Variants in PTPRD observed in about 807,000 individuals in gnomAD.
PTPRD encodes receptor-type tyrosine-protein phosphatase delta.
A neutral mutation model predicts 214.5 loss-of-function variants in PTPRD; 34 were observed. That is an observed-to-expected ratio of 0.16 (90% CI 0.12 to 0.21). The LOEUF is 0.21. Among genes scored for constraint, PTPRD ranks in the 10% least tolerant of loss-of-function variants. The pLI, the probability that PTPRD is intolerant of heterozygous loss-of-function variation, is 1.00. For synonymous variants in PTPRD, 1,128 were observed against 845.7 expected (o/e 1.33, Z -5.79); for missense variants, 2,545 against 2,398.7 (o/e 1.06, Z -1.27).
chr9:9,909,853 T>A (rs1192601273), intron 5 of PTPRD, among the ~76,000 whole-genome samples: 3 of 151,896 alleles, frequency 2.0e-5, no homozygotes, highest in Non-Finnish European at 2.9e-5. Flanking sequence ...GTTCAATTAT[T>A]TTTTCCCTAA....
chr9:8,641,879 G>A (rs964694145), intron 12 of PTPRD, among the ~76,000 whole-genome samples: 11 of 152,266 alleles, frequency 7.2e-5, no homozygotes, highest in African/African-American at 2.4e-4. Flanking sequence ...CAAGTTGCTA[G>A]GCACTCTGAA....
chr9:9,697,675 T>G (rs1013688710), intron 7 of PTPRD, among the ~76,000 whole-genome samples: 1 of 152,168 alleles, frequency 6.6e-6, no homozygotes, highest in Non-Finnish European at 1.5e-5. Context: ...TTTATCTGGG[T>G]GAAATCTGTT....
intron 5 of PTPRD, among the ~76,000 whole-genome samples, chr9:9,897,129 CTT>C (rs2075196357): frequency 2.3e-5 from 1 of 44,360 alleles, no homozygotes; most frequent in East Asian, 5.2e-4. Flanking sequence ...ATCTCTTACA[CTT>C]ACACACACAC....
chr9:10,542,398 T>C (rs1324908128), intron 2 of PTPRD, among the ~76,000 whole-genome samples: 1 of 152,190 alleles, frequency 6.6e-6, no homozygotes, highest in East Asian at 1.9e-4. Context: ...TTAAATATTT[T>C]ATTTAAATCA....
chr9:8,833,157 T>A (rs928022258), intron 11 of PTPRD, among the ~76,000 whole-genome samples: 1 of 152,026 alleles, frequency 6.6e-6, no homozygotes, highest in Non-Finnish European at 1.5e-5. Context: ...GCTTTAGAGG[T>A]TGAGCTGGGA....
chr9:8,767,669 A>G (rs983570201), intron 11 of PTPRD, among the ~76,000 whole-genome samples: 2 of 152,234 alleles, frequency 1.3e-5, no homozygotes, highest in Admixed American at 6.5e-5. Flanking sequence ...ACCATACAAT[A>G]GAATTATCAG....
At chr9:9,126,456 A>G (rs916725651) in intron 10 of PTPRD, among the ~76,000 whole-genome samples, 6 of 152,220 alleles carry the variant, frequency 3.9e-5, no homozygotes, top group African/African-American at 1.4e-4. Context: ...ATACAATGAA[A>G]CTGATTTTAC....
chr9:9,956,249 G>C (rs940333049), intron 4 of PTPRD, among the ~76,000 whole-genome samples: 3 of 149,834 alleles, frequency 2.0e-5, no homozygotes, highest in Non-Finnish European at 3.0e-5. Context: ...ATTAAGGTGA[G>C]GTTTACCTCA....
intron 14 of PTPRD, among the ~76,000 whole-genome samples, chr9:8,618,653 C>T (rs908806084): frequency 7.2e-5 from 11 of 151,926 alleles, no homozygotes; most frequent in African/African-American, 2.7e-4. Context: ...CTTTTAACTT[C>T]CTGTGGTTGC....
intron 7 of PTPRD, among the ~76,000 whole-genome samples, chr9:9,602,180 C>T (rs548800764): frequency 5.3e-5 from 8 of 151,900 alleles, no homozygotes; most frequent in African/African-American, 1.4e-4. Context: ...ATTGTGAAAA[C>T]CAGACTTTTT....
At chr9:9,099,174 G>A (rs2099787894) in intron 10 of PTPRD, among the ~76,000 whole-genome samples, 1 of 152,168 alleles carries the variant, frequency 6.6e-6, no homozygotes, top group South Asian at 2.1e-4. Flanking sequence ...AGCAGGCCAT[G>A]TACACATTTA....
At chr9:10,016,103 A>G (rs978123631) in intron 4 of PTPRD, among the ~76,000 whole-genome samples, 3 of 152,102 alleles carry the variant, frequency 2.0e-5, no homozygotes, top group African/African-American at 4.8e-5. Context: ...CAATTAAATC[A>G]TATGTGGTTG....
chr9:10,477,710 G>T (rs1230246932), intron 2 of PTPRD, among the ~76,000 whole-genome samples: 1 of 152,014 alleles, frequency 6.6e-6, no homozygotes, highest in Non-Finnish European at 1.5e-5. Flanking sequence ...ATTCACAATA[G>T]CAAAGACTTG....
intron 11 of PTPRD, among the ~76,000 whole-genome samples, chr9:8,933,086 G>T (rs1386280546): frequency 6.6e-6 from 1 of 151,946 alleles, no homozygotes; most frequent in Non-Finnish European, 1.5e-5. Context: ...GTTCCTCATG[G>T]CACAGTCCTT....
In PTPRD at chr9:9,570,183, C is replaced by T. The variant is rs554175885; in HGVS notation, c.-237+4549G>A. On this transcript the variant is annotated intron_variant, in intron 8 of 45. Coordinates refer to ENST00000381196, the MANE Select transcript of PTPRD (RefSeq NM_002839.4). ...TTATGTTACCAAAACTTTTTACCCACGTCTTTCTAACTGTATTATCATCAT... is the reference window on the plus strand; with the variant it reads ...TTATGTTACCAAAACTTTTTACCCATGTCTTTCTAACTGTATTATCATCAT... Among the ~76,000 whole-genome samples, 8 of 151,576 alleles carry T rather than the reference C, an allele frequency of 5.3e-5. No homozygotes were observed. In the South Asian group the frequency reaches 8.3e-4, roughly 16 times the overall value.
intron 10 of PTPRD, among the ~76,000 whole-genome samples, chr9:9,134,295 G>T: frequency 7.3e-6 from 1 of 136,690 alleles, no homozygotes; most frequent in South Asian, 2.2e-4. Flanking sequence ...GGATGGTCTC[G>T]ATCTCCTGAC....
chr9:10,294,270 G>A (rs1432550220), intron 3 of PTPRD, among the ~76,000 whole-genome samples: 1 of 151,820 alleles, frequency 6.6e-6, no homozygotes, highest in Non-Finnish European at 1.5e-5. Context: ...CAGTGGTTCT[G>A]AGTACAATGA....
At chr9:10,440,901 A>C (rs1203857588) in intron 2 of PTPRD, among the ~76,000 whole-genome samples, 1 of 151,470 alleles carries the variant, frequency 6.6e-6, no homozygotes, top group Non-Finnish European at 1.5e-5. Flanking sequence ...TGGAATATAG[A>C]CTCCTGGAGA....
chr9:8,462,463 C>A (rs1369341956), intron 32 of PTPRD, among the ~76,000 whole-genome samples: 1 of 152,010 alleles, frequency 6.6e-6, no homozygotes, highest in Admixed American at 6.6e-5. Context: ...CTTCAAGAGG[C>A]TCTCTCTTGA....
Sources: gnomAD v4.1 joint callset for allele counts (sites outside exome capture counted in the v4.1 genomes callset) on GRCh38, gnomAD v4.1.1 for gene constraint, MANE v1.5 for transcripts, NCBI Gene and HGNC (gene_info 2026-07-23, HGNC 2026-07-21) for gene names.